AFMID: variants seen among roughly 807,000 people sequenced by gnomAD.
AFMID encodes arylformamidase, also known as kynurenine formamidase.
AFMID carries 39 observed loss-of-function variants against 47.5 expected under a neutral mutation model. The ratio of observed to expected loss-of-function variants is 0.82; its 90% CI spans 0.64 to 1.07. The LOEUF is 1.07. Among genes scored for constraint, AFMID ranks in the 50% least tolerant of loss-of-function variants. The pLI, the probability that AFMID is intolerant of heterozygous loss-of-function variation, is 0.00. For missense variants in AFMID, 375 were observed against 387.5 expected (o/e 0.97, Z 0.27); for synonymous variants, 130 against 153.2 (o/e 0.85, Z 1.12).
At chr17:78,200,146 TTTTGGTTTGG>T (rs886588993) in intron 2 of AFMID, among the ~76,000 whole-genome samples, 1 of 151,984 alleles carries the variant, frequency 6.6e-6, no homozygotes, top group Non-Finnish European at 1.5e-5. Flanking sequence ...GTGTGTTTTG[TTTTGGTTTGG>T]TTTGGTTTGG....
At chr17:78,194,202 C>G (rs915108334) in intron 2 of AFMID, among the ~76,000 whole-genome samples, 1 of 151,592 alleles carries the variant, frequency 6.6e-6, no homozygotes, top group African/African-American at 2.4e-5. Flanking sequence ...CCTCTGCCTC[C>G]TGGGTTCAAG....
intron 2 of AFMID, among the ~76,000 whole-genome samples, chr17:78,195,161 G>A (rs532158267): frequency 1.3e-5 from 2 of 151,840 alleles, no homozygotes; most frequent in Non-Finnish European, 2.9e-5. Context: ...GGAGGAATGG[G>A]GAGTGAGTGT....
chr17:78,203,053 C>A, intron 4 of AFMID: 1 of 246,146 alleles, frequency 4.1e-6, no homozygotes, highest in Non-Finnish European at 7.5e-6. Flanking sequence ...ATCTTCCTCT[C>A]TCTTTTTTTT....
Position 78,207,097 on chromosome 17 carries a change from C to T in AFMID, c.*160C>T. 1.3e-6 allele frequency: 1 copy of T among 771,738 alleles called. No homozygotes were observed. Among genetic ancestry groups the T allele is most frequent in the Non-Finnish European group, 2.2e-6 (1 of 453,740 alleles). 47.8% of individuals were successfully genotyped at this position (771,738 alleles called of 1,614,324 possible). ...CAAGAGTCCATTCTCACTGCTGGGA[C>T]ACTCATGAAAATCTCCACGTCCTCC... On this transcript the variant is annotated 3_prime_UTR_variant, in exon 11 of 11. Transcript: ENST00000409257.
intron 2 of AFMID, among the ~76,000 whole-genome samples, chr17:78,193,398 A>AAT (rs1567844660): frequency 7.1e-6 from 1 of 140,202 alleles, no homozygotes; most frequent in Admixed American, 7.5e-5. Flanking sequence ...AAAAAAAAAA[A>AAT]GCTGTAAGCA....
At chr17:78,205,903 C>G in intron 9 of AFMID, 43 bp from the exon 10 acceptor site, 1 of 1,604,044 alleles carries the variant, frequency 6.2e-7, no homozygotes, top group Non-Finnish European at 8.5e-7. Flanking sequence ...CCCACCTCCC[C>G]TCCCACTGCT....
intron 1 of AFMID, among the ~76,000 whole-genome samples, chr17:78,189,474 C>T (rs2075901398): frequency 6.6e-6 from 1 of 151,720 alleles, no homozygotes; most frequent in South Asian, 2.1e-4. Flanking sequence ...TCACCCGCCT[C>T]AGCCTCCCAA....
rs1378072022 is a variant in AFMID at position 78,205,157 on chromosome 17, T to C, written c.532T>C (p.Trp178Arg). Residue 178 changes from tryptophan to arginine, a missense_variant, in exon 7 of 11, where the codon TGG (tryptophan) becomes CGG (arginine). By Grantham distance (101) the Trp-to-Arg change is moderately radical (BLOSUM62 -3). Coordinates refer to ENST00000409257, the MANE Select transcript of AFMID (RefSeq NM_001010982.5). ...HLAAMMLLAD[W>R]TKHGVTPNLR... ...GGCTGCCATGATGCTCCTGGCCGAC[T>C]GGACCAAGCATGGGGTCACGCCCAA... The C allele has an allele frequency of 1.2e-6, 2 of 1,612,966 alleles. No individual in the cohort carries two copies. The highest frequency in any genetic ancestry group is 2.2e-5 in the South Asian group (2 of 90,786).
intron 1 of AFMID, among the ~76,000 whole-genome samples, chr17:78,190,225 C>G (rs1481292688): frequency 1.3e-5 from 2 of 151,834 alleles, no homozygotes; most frequent in African/African-American, 2.4e-5. Flanking sequence ...CGACATTCAC[C>G]GCCCCTCCTC....
intron 2 of AFMID, among the ~76,000 whole-genome samples, chr17:78,198,562 C>A (rs183984093): frequency 9.8e-4 from 148 of 151,776 alleles, no homozygotes; most frequent in Non-Finnish European, 1.7e-3. Context: ...TCACTTGAAC[C>A]CAGGAAACAG....
Position 78,189,364 on chromosome 17 carries a change from G to A in AFMID, c.64-1606G>A, listed in dbSNP as rs765842459. 4.1e-5 allele frequency among the ~76,000 whole-genome samples: 6 copies of A among 146,932 alleles called. 1 individual carries two copies. Among genetic ancestry groups the A allele is most frequent in the Non-Finnish European group, 7.5e-5 (5 of 66,460 alleles). On this transcript the variant is annotated intron_variant, in intron 1 of 10. Transcript: ENST00000409257. ...CAGCCTCCCGAGTAGCTGAGATTAC[G>A]GGCGCCCGCCACCATGCCCAGCTAA...
intron 2 of AFMID, among the ~76,000 whole-genome samples, chr17:78,196,338 C>T (rs918015178): frequency 5.9e-5 from 9 of 152,016 alleles, no homozygotes; most frequent in Non-Finnish European, 4.4e-5. Flanking sequence ...GCACTCTAGC[C>T]TGGGTGACAA....
In AFMID at chr17:78,195,932, G is replaced by A. The variant is rs566235459; in HGVS notation, c.154+4872G>A. On this transcript the variant is annotated intron_variant, in intron 2 of 10. Coordinates refer to ENST00000409257, the MANE Select transcript of AFMID (RefSeq NM_001010982.5). ...AAGATCTTGGCTCACTGCAAGCTCC[G>A]CCTCCCAGGTTCACGCCATTCTCCT... is the stretch of plus-strand genomic sequence containing the variant. 1.3e-4 allele frequency among the ~76,000 whole-genome samples: 20 copies of A among 152,194 alleles called. No individual in the cohort carries two copies. The South Asian group carries it at 2.9e-3, about 22-fold the overall frequency.
chr17:78,193,992 A>AAG (rs1555605336), intron 2 of AFMID, among the ~76,000 whole-genome samples: 1 of 149,334 alleles, frequency 6.7e-6, no homozygotes, highest in Non-Finnish European at 1.5e-5. Context: ...AAAAAAAAAA[A>AAG]TTTAAAAATT....
At chr17:78,202,160 C>T (rs190160383) in intron 2 of AFMID, among the ~76,000 whole-genome samples, 1,951 of 151,662 alleles carry the variant, frequency 0.013, 29 homozygotes, top group Middle Eastern at 0.037. Flanking sequence ...CACAGTGGCT[C>T]ATGCCTGTAA....
rs139139850 is a variant in AFMID, at chr17:78,202,558, G to A, written c.214G>A (p.Glu72Lys). ...GCTGCATGTCCCCTATGGAGACGGCGAAGGGGAGAAAGTGGACATTTACTT... is the reference window on the plus strand; with the variant it reads ...GCTGCATGTCCCCTATGGAGACGGCAAAGGGGAGAAAGTGGACATTTACTT... ...SLLHVPYGDG[E>K]GEKVDIYFPD... Residue 72 changes from glutamate (E) to lysine (K), a missense_variant, in exon 3 of 11, where the codon GAA becomes AAA. Transcript: ENST00000409257. 3.6e-4 allele frequency: 585 copies of A among 1,614,136 alleles called. 6 individuals carry two copies. In the East Asian group the frequency reaches 0.011, roughly 32 times the overall value.
intron 10 of AFMID, among the ~76,000 whole-genome samples, chr17:78,206,338 CAA>C (rs60780262): frequency 0.028 from 2,897 of 103,460 alleles, 39 homozygotes; most frequent in African/African-American, 0.092. Context: ...GACTCTGTCT[CAA>C]AAAAAAAAAA....
chr17:78,196,460 C>T (rs1470364429), intron 2 of AFMID, among the ~76,000 whole-genome samples: 1 of 152,164 alleles, frequency 6.6e-6, no homozygotes, highest in Non-Finnish European at 1.5e-5. Flanking sequence ...GGGCAGATCA[C>T]TTGAGGTCAG....
intron 2 of AFMID, among the ~76,000 whole-genome samples, chr17:78,191,782 C>T (rs1373185125): frequency 6.0e-5 from 9 of 150,558 alleles, no homozygotes; most frequent in African/African-American, 1.5e-4. Flanking sequence ...CTCTGCTTCC[C>T]GGGTTCAAGC....
Sources: gnomAD v4.1 joint callset for allele counts (sites outside exome capture counted in the v4.1 genomes callset) on GRCh38, gnomAD v4.1.1 for gene constraint, MANE v1.5 for transcripts, NCBI Gene and HGNC (gene_info 2026-07-23, HGNC 2026-07-21) for gene names.